MEIS1: variants seen among roughly 807,000 people sequenced by gnomAD.
MEIS1 encodes the protein Meis homeobox 1.
In MEIS1, 5 loss-of-function variants were observed where a neutral mutation model predicts 50.8. The ratio of observed to expected loss-of-function variants is 0.10; its 90% CI spans 0.05 to 0.21. The LOEUF (loss-of-function observed/expected upper bound fraction) is 0.21. Ranked by LOEUF, MEIS1 falls within the 10% of genes least tolerant of loss-of-function variation. The probability of loss-of-function intolerance (pLI) is 1.00; values close to 1 mark genes in which losing one functional copy is unlikely to be tolerated. For synonymous variants in MEIS1, 176 were observed against 179.3 expected (o/e 0.98, Z 0.15); for missense variants, 318 against 517.3 (o/e 0.61, Z 3.74).
chr2:66,517,495 T>C (rs1673999087), intron 8 of MEIS1, among the ~76,000 whole-genome samples: 1 of 152,208 alleles, frequency 6.6e-6, no homozygotes, highest in Non-Finnish European at 1.5e-5. Flanking sequence ...TTTCATAGTT[T>C]TTACTTTTTC....
At chr2:66,515,279 G>C (rs1673937812) in intron 8 of MEIS1, among the ~76,000 whole-genome samples, 1 of 151,986 alleles carries the variant, frequency 6.6e-6, no homozygotes, top group South Asian at 2.1e-4. Flanking sequence ...AAAGCAAATT[G>C]CTATTTCTTT....
Position 66,507,759 on chromosome 2 carries a change from G to A in MEIS1, c.743-4390G>A, listed in dbSNP as rs372545652. Among the ~76,000 whole-genome samples the A allele has an allele frequency of 3.3e-5, 5 of 152,288 alleles. No individual in the cohort carries two copies. The South Asian group carries it at 6.2e-4, about 19-fold the overall frequency. ...CTGACCCATTGAATGGCCTGAATAC[G>A]ATAAATGCCGCTTTATCCTGCCTTG... On this transcript the variant is annotated intron_variant, in intron 7 of 12. Coordinates refer to ENST00000272369, the MANE Select transcript of MEIS1 (RefSeq NM_002398.3).
At chr2:66,467,706 C>A (rs750429735) in intron 7 of MEIS1, among the ~76,000 whole-genome samples, 4 of 152,116 alleles carry the variant, frequency 2.6e-5, no homozygotes, top group Non-Finnish European at 5.9e-5. Flanking sequence ...AATGTTTATT[C>A]GCGATTTACA....
In MEIS1 at chr2:66,458,832, A is replaced by G. The variant is rs556687142; in HGVS notation, c.631-5277A>G. 2.6e-5 allele frequency among the ~76,000 whole-genome samples: 4 copies of G among 152,306 alleles called. No homozygotes were observed. In the South Asian group the frequency reaches 8.3e-4, roughly 32 times the overall value. On this transcript the variant is annotated intron_variant, in intron 6 of 12. Transcript: ENST00000272369. ...ACTACTCTTTTTTAGATATTTTGTG[A>G]TGTCTCTCATATGGGAGAACACAAT...
At chr2:66,497,986 G>A (rs1250511373) in intron 7 of MEIS1, among the ~76,000 whole-genome samples, 1 of 151,590 alleles carries the variant, frequency 6.6e-6, no homozygotes, top group Non-Finnish European at 1.5e-5. Flanking sequence ...GCTTTTTTTG[G>A]GGGGCTGTGG....
intron 6 of MEIS1, among the ~76,000 whole-genome samples, chr2:66,446,263 G>T (rs1227113696): frequency 3.3e-5 from 5 of 152,238 alleles, no homozygotes; most frequent in African/African-American, 1.2e-4. Flanking sequence ...TAGGCGAGGA[G>T]AGGCCTGGCC....
At chr2:66,506,736 G>C (rs1028614522) in intron 7 of MEIS1, among the ~76,000 whole-genome samples, 2 of 152,152 alleles carry the variant, frequency 1.3e-5, no homozygotes, top group Non-Finnish European at 2.9e-5. Context: ...CCTGAAGAAG[G>C]GATGTCTATA....
intron 7 of MEIS1, chr2:66,509,261 GC>G: frequency 3.2e-6 from 1 of 312,908 alleles, no homozygotes; most frequent in Non-Finnish European, 6.5e-6. Context: ...GTTTTATTAT[GC>G]TCTTCTCCTT....
rs193099852 is a variant in MEIS1, at chr2:66,450,521, G to A, written c.630+7473G>A. Among the ~76,000 whole-genome samples, 207 of 152,226 alleles carry A rather than the reference G, an allele frequency of 1.4e-3. 1 individual carries two copies. Among genetic ancestry groups the A allele is most frequent in the African/African-American group, 4.8e-3 (198 of 41,546 alleles). Reference sequence around the variant, plus strand: ...CTGTTATTATTAATAAGTTTACGAAGTGAAATTTTAAAAATGGCCACAACC... The same window carrying A: ...CTGTTATTATTAATAAGTTTACGAAATGAAATTTTAAAAATGGCCACAACC... On this transcript the variant is annotated intron_variant, in intron 6 of 12. Coordinates refer to ENST00000272369, the MANE Select transcript of MEIS1 (RefSeq NM_002398.3).
rs772020594 is a variant in MEIS1, at chr2:66,435,169, A to T, written c.-688A>T. On this transcript the variant is annotated 5_prime_UTR_variant, in exon 1 of 13. Transcript: ENST00000272369. ...TCTCCGCCTGTGCAACACACACTTT[A>T]CACACGCACGGGGACTGCAAGCGGG... The T allele has an allele frequency of 7.9e-5, 12 of 152,434 alleles. No individual in the cohort carries two copies. Among genetic ancestry groups the T allele is most frequent in the Non-Finnish European group, 1.5e-4 (10 of 68,212 alleles). 9.4% of individuals were successfully genotyped at this position (152,434 alleles called of 1,614,324 possible).
rs567158737 is a variant in MEIS1 at position 66,553,938 on chromosome 2, A to G, written c.965+5919A>G. ...ATGGGGCCCTAAGTCTAGGTGAGAA[A>G]AGAAATGAAGGTCTAGGATGTAGGA... is the stretch of plus-strand genomic sequence containing the variant. On this transcript the variant is annotated intron_variant, in intron 9 of 12. Transcript: ENST00000272369. Among the ~76,000 whole-genome samples, 5 of 152,328 alleles carry G rather than the reference A, an allele frequency of 3.3e-5. No individual in the cohort carries two copies. In the South Asian group the frequency reaches 1.0e-3, roughly 32 times the overall value.
rs375472788 is a variant in MEIS1, at chr2:66,442,471, C to T, written c.484-431C>T. The stretch of plus-strand genomic sequence containing the variant: ...TTGTCAGGCATTTATCCTATGCCAC[C>T]ACAGTACAGGTTCTTTGGAGAATAT... On this transcript the variant is annotated intron_variant, in intron 5 of 12. Coordinates refer to ENST00000272369, the MANE Select transcript of MEIS1 (RefSeq NM_002398.3). Among the ~76,000 whole-genome samples the T allele has an allele frequency of 3.9e-5, 6 of 151,994 alleles. 1 individual carries two copies. The highest frequency in any genetic ancestry group is 2.1e-4 in the South Asian group (1 of 4,816).
intron 7 of MEIS1, among the ~76,000 whole-genome samples, chr2:66,466,007 G>C (rs1387516360): frequency 6.6e-6 from 1 of 152,004 alleles, no homozygotes; most frequent in African/African-American, 2.4e-5. Context: ...TTCTTTTTAT[G>C]TTTTATATTT....
In MEIS1 at chr2:66,453,827, A is replaced by AT. The variant is rs200726740; in HGVS notation, c.631-10273dup. Among the ~76,000 whole-genome samples the AT allele has an allele frequency of 6.0e-3, 917 of 151,628 alleles. 7 individuals are homozygous for AT. The highest frequency in any genetic ancestry group is 0.02 in the Middle Eastern group (6 of 294). On this transcript the variant is annotated intron_variant, in intron 6 of 12. Coordinates refer to ENST00000272369, the MANE Select transcript of MEIS1 (RefSeq NM_002398.3). ...CAAAACAAGACTATATCTTGGCTGA[A>AT]TTTTTTTTTCTTCTTATGTCTCAAT...
At chr2:66,540,552 C>T (rs2103914768) in intron 8 of MEIS1, among the ~76,000 whole-genome samples, 1 of 152,294 alleles carries the variant, frequency 6.6e-6, no homozygotes, top group African/African-American at 2.4e-5. Flanking sequence ...CCCACTTTGG[C>T]CTTCCAAAGT....
chr2:66,565,958 C>T (rs1012849353), intron 9 of MEIS1, among the ~76,000 whole-genome samples: 12 of 152,112 alleles, frequency 7.9e-5, no homozygotes, highest in African/African-American at 2.4e-4. Flanking sequence ...GTTTGTGCTA[C>T]ACCTGTGCTT....
chr2:66,463,627 T>C (rs1266092295), intron 6 of MEIS1, among the ~76,000 whole-genome samples: 2 of 152,160 alleles, frequency 1.3e-5, no homozygotes, highest in Non-Finnish European at 2.9e-5. Context: ...AGCTGACACA[T>C]ACTAGCTATT....
At chr2:66,479,633 T>C (rs1176308503) in intron 7 of MEIS1, among the ~76,000 whole-genome samples, 1 of 152,226 alleles carries the variant, frequency 6.6e-6, no homozygotes, top group Admixed American at 6.5e-5. Context: ...TTTTTGATTT[T>C]AATTAAAAAC....
chr2:66,441,789 T>G, intron 5 of MEIS1: 1 of 291,606 alleles, frequency 3.4e-6, no homozygotes, highest in Non-Finnish European at 6.3e-6. Context: ...TTCATACCTC[T>G]GTTGTCTCTT....
Sources: gnomAD v4.1 joint callset for allele counts (sites outside exome capture counted in the v4.1 genomes callset) on GRCh38, gnomAD v4.1.1 for gene constraint, MANE v1.5 for transcripts, NCBI Gene and HGNC (gene_info 2026-07-23, HGNC 2026-07-21) for gene names.